The following KCNJ18 variants were observed in gnomAD, a reference collection of about 807,000 sequenced individuals.
KCNJ18 encodes inward rectifier potassium channel 18.
In KCNJ18, 16 loss-of-function variants were observed where a neutral mutation model predicts 17.3. The observed-to-expected ratio is 0.92, with a 90% confidence interval of 0.62 to 1.40. The LOEUF (loss-of-function observed/expected upper bound fraction) is 1.40. KCNJ18 is among the 40% of genes most tolerant of loss of function. The pLI, the probability that KCNJ18 is intolerant of heterozygous loss-of-function variation, is 0.00. For missense variants in KCNJ18, 462 were observed against 626.8 expected (o/e 0.74, Z 2.81); for synonymous variants, 185 against 262.6 (o/e 0.70, Z 2.86).
In KCNJ18 at chr17:21,695,119, C is replaced by T. The variant is rs1284179979; in HGVS notation, c.-178-864C>T. On this transcript the variant is annotated intron_variant, in intron 1 of 2. Transcript: ENST00000567955. ...TCCGCTCAGTCACCCACCCATCTAC[C>T]CTTCTGTTCATCCATCCATCCAATC... 4.6e-5 allele frequency among the ~76,000 whole-genome samples: 7 copies of T among 152,410 alleles called. No individual in the cohort carries two copies. The East Asian group carries it at 1.2e-3, about 25-fold the overall frequency.
At chr17:21,699,284 AAT>A (rs1228731423) in intron 2 of KCNJ18, among the ~76,000 whole-genome samples, 3 of 151,560 alleles carry the variant, frequency 2.0e-5, no homozygotes, top group Non-Finnish European at 4.4e-5. Context: ...ATATTTCTTA[AAT>A]TGCGACCTTG....
Position 21,704,059 on chromosome 17 carries a change from C to A in KCNJ18, c.1273C>A (p.Arg425=). The change falls in exon 3 of 3, where the codon CGG becomes AGG. Residue 425 remains arginine (R), a synonymous_variant. Coordinates refer to ENST00000567955, the MANE Select transcript of KCNJ18 (RefSeq NM_001194958.2). ...GGCTGGCGGCGGGGTCCTGGAGCAG[C>A]GGCCCTACAGACGGGGGTCAGAGAT... ...LQAGGGVLEQ[R]PYRRGSEI 1.9e-6 allele frequency: 3 copies of A among 1,559,906 alleles called. No individual in the cohort carries two copies. The highest frequency in any genetic ancestry group is 3.6e-5 in the Admixed American group (2 of 55,128).
intron 1 of KCNJ18, among the ~76,000 whole-genome samples, chr17:21,694,879 A>C: frequency 1.4e-5 from 2 of 145,480 alleles, no homozygotes; most frequent in African/African-American, 2.6e-5. Context: ...ACTCAACCAT[A>C]TACCCACCCA....
intron 1 of KCNJ18, among the ~76,000 whole-genome samples, chr17:21,694,903 C>A (rs1370778174): frequency 6.6e-6 from 1 of 152,140 alleles, no homozygotes; most frequent in Non-Finnish European, 1.5e-5. Context: ...ACCCAGCCAT[C>A]CCTCTATCCA....
intron 1 of KCNJ18, among the ~76,000 whole-genome samples, chr17:21,693,192 C>A (rs1371471192): frequency 6.6e-6 from 1 of 152,308 alleles, no homozygotes; most frequent in South Asian, 2.1e-4. Context: ...GTGGCGGGAG[C>A]TCTGGCCAGG....
chr17:21,703,059 C>T lies in KCNJ18; in HGVS notation c.273C>T (p.Phe91=), dbSNP rs1417035618. 4.4e-5 allele frequency: 71 copies of T among 1,613,082 alleles called. No individual in the cohort carries two copies. The highest frequency in any genetic ancestry group is 5.7e-5 in the Non-Finnish European group (67 of 1,179,886). Reference sequence around the variant, plus strand: ...TGCTGCTCATCTTCTCGCTGGCCTTCCTTGCCTCCTGGCTGCTGTTCGGCG... The same window carrying T: ...TGCTGCTCATCTTCTCGCTGGCCTTTCTTGCCTCCTGGCTGCTGTTCGGCG... ...RYMLLIFSLA[F]LASWLLFGVI... Residue 91 remains phenylalanine, a synonymous_variant, in exon 3 of 3, where the codon TTC becomes TTT. Transcript: ENST00000567955.
intron 2 of KCNJ18, among the ~76,000 whole-genome samples, chr17:21,700,273 G>A (rs1255218172): frequency 5.2e-5 from 6 of 114,944 alleles, no homozygotes; most frequent in Admixed American, 8.8e-5. Context: ...GGTGGGGGAC[G>A]GCGCTAGAGG....
At position 21,703,982 on chromosome 17, in the gene KCNJ18, G is replaced by A. The variant is rs1906074488; in HGVS notation, c.1196G>A (p.Arg399Gln). 9 of 1,601,684 alleles carry A rather than the reference G, an allele frequency of 5.6e-6. No homozygotes were observed. The highest frequency in any genetic ancestry group is 1.1e-5 in the South Asian group (1 of 90,722). The stretch of plus-strand genomic sequence containing the variant: ...GAGGCGGACGGAGACCAGGACGGCC[G>A]AAGCCGGGATGGCCTCAGCCCCCAG... The part of the protein sequence containing the change: ...EDEADGDQDG[R>Q]SRDGLSPQAR... Residue 399 changes from arginine (R) to glutamine (Q), a missense_variant, in exon 3 of 3, where the codon CGA (arginine) becomes CAA (glutamine). Around this residue, in one of 5 missense-constraint regions of KCNJ18, gnomAD observed 123 missense variants for 117.5 expected, o/e 1.05. Coordinates refer to ENST00000567955, the MANE Select transcript of KCNJ18 (RefSeq NM_001194958.2).
At chr17:21,700,023 G>A (rs1174060187) in intron 2 of KCNJ18, among the ~76,000 whole-genome samples, 3 of 152,282 alleles carry the variant, frequency 2.0e-5, no homozygotes, top group Non-Finnish European at 4.4e-5. Context: ...TGAGTGCCCC[G>A]GCCCTGGCTG....
rs1307410725 is a variant in KCNJ18, at chr17:21,692,560, C to G, written c.-333C>G. ...GGAGGCTTGGGCACAGTCAGCTTTC[C>G]GTCCTGTTGGGAAGCCTGTTTCTGC... On this transcript the variant is annotated 5_prime_UTR_variant, in exon 1 of 3. Transcript: ENST00000567955. The G allele has an allele frequency of 1.3e-5, 2 of 152,336 alleles. No homozygotes were observed. The highest frequency in any genetic ancestry group is 2.9e-5 in the Non-Finnish European group (2 of 68,088). The allele number at this position is 152,336 out of a possible 1,614,324, so 9.4% of individuals were successfully genotyped here. A position where few individuals can be genotyped will look rare whatever the true frequency, so the allele number is the denominator to read the frequency against.
intron 2 of KCNJ18, among the ~76,000 whole-genome samples, chr17:21,698,539 C>G (rs1324818938): frequency 2.0e-5 from 3 of 152,046 alleles, no homozygotes; most frequent in African/African-American, 7.3e-5. Flanking sequence ...CCTGCACTCT[C>G]CCTTCCAGTC....
chr17:21,701,771 T>TGTG (rs1302960596), intron 2 of KCNJ18, among the ~76,000 whole-genome samples: 1 of 152,244 alleles, frequency 6.6e-6, no homozygotes, highest in African/African-American at 2.4e-5. Context: ...GTTAGCTGGA[T>TGTG]GTGGTGGCGG....
chr17:21,698,129 T>A (rs1454844541), intron 2 of KCNJ18, among the ~76,000 whole-genome samples: 1 of 151,788 alleles, frequency 6.6e-6, no homozygotes, highest in African/African-American at 2.4e-5. Flanking sequence ...CACCTGGGAT[T>A]GCAGGGGCTT....
intron 2 of KCNJ18, among the ~76,000 whole-genome samples, chr17:21,696,343 A>G (rs1455693558): frequency 1.3e-5 from 2 of 148,626 alleles, no homozygotes; most frequent in African/African-American, 5.0e-5. Context: ...TCAACCATCC[A>G]TCCACCCATC....
At chr17:21,696,995 T>G (rs1905778090) in intron 2 of KCNJ18, among the ~76,000 whole-genome samples, 1 of 152,274 alleles carries the variant, frequency 6.6e-6, no homozygotes, top group African/African-American at 2.4e-5. Context: ...GCTGGGGCAC[T>G]GGAGCTGACT....
rs1166424817 is a variant in KCNJ18 at position 21,703,115 on chromosome 17, G to T, written c.329G>T (p.Gly110Val). 238 of 1,612,024 alleles carry T rather than the reference G, an allele frequency of 1.5e-4. No homozygotes were observed. The African/African-American group carries it at 2.9e-3, about 19-fold the overall frequency. The stretch of plus-strand genomic sequence containing the variant: ...TTCTGGGTCATCGCGGTGGCACACG[G>T]TGACCTGGAGCCGGCTGAGGGCCAC... ...VIFWVIAVAH[G>V]DLEPAEGHGR... The change falls in exon 3 of 3, where the codon GGT becomes GTT. Residue 110 changes from glycine (G) to valine (V), a missense_variant. This residue lies in a region of KCNJ18 where 237 missense variants were observed against 259.4 expected (regional missense o/e 0.91). Coordinates refer to ENST00000567955, the MANE Select transcript of KCNJ18 (RefSeq NM_001194958.2).
chr17:21,697,289 C>A (rs1256928073), intron 2 of KCNJ18, among the ~76,000 whole-genome samples: 2 of 152,312 alleles, frequency 1.3e-5, no homozygotes, highest in African/African-American at 2.4e-5. Flanking sequence ...GTTGCTGCTG[C>A]CTCTCTCCTC....
At position 21,702,898 on chromosome 17, in the gene KCNJ18, A is replaced by G; in HGVS notation, c.112A>G (p.Thr38Ala). 6.3e-7 allele frequency: 1 copy of G among 1,598,604 alleles called. No individual in the cohort carries two copies. Among genetic ancestry groups the G allele is most frequent in the Non-Finnish European group, 8.5e-7 (1 of 1,175,898 alleles). Residue 38 changes from threonine to alanine, a missense_variant, in exon 3 of 3, where the codon ACG becomes GCG. Coordinates refer to ENST00000567955, the MANE Select transcript of KCNJ18 (RefSeq NM_001194958.2). Reference sequence around the variant, plus strand: ...CGGCTTCGGCAACGGCAAGGTGCACACGCGGCGCAGGTGCCGCAACCGCTT... The same window carrying G: ...CGGCTTCGGCAACGGCAAGGTGCACGCGCGGCGCAGGTGCCGCAACCGCTT... Reference protein sequence around the residue: ...ANGFGNGKVHTRRRCRNRFVK... With the variant: ...ANGFGNGKVHARRRCRNRFVK...
rs1331163935 is a variant in KCNJ18 at position 21,702,984 on chromosome 17, C to T, written c.198C>T (p.Arg66=). 2.2e-3 allele frequency: 3,576 copies of T among 1,606,082 alleles called. 70 individuals carry two copies. The African/African-American group carries it at 0.041, about 19-fold the overall frequency. Residue 66 remains arginine, a synonymous_variant, in exon 3 of 3, where the codon CGC becomes CGT. Coordinates refer to ENST00000567955, the MANE Select transcript of KCNJ18 (RefSeq NM_001194958.2). ...AFANMDEKSQ[R]YLADMFTTCV... is the part of the protein sequence containing the mutation. ...CCAACATGGACGAGAAGTCACAGCG[C>T]TACCTGGCTGACATGTTCACCACCT...
Sources: allele counts gnomAD v4.1 joint callset (sites outside exome capture counted in the v4.1 genomes callset), GRCh38; gene constraint gnomAD v4.1.1; regional missense constraint gnomAD v4.1.1; transcripts MANE v1.5; gene names NCBI Gene and HGNC (gene_info 2026-07-23, HGNC 2026-07-21).